The following CACNA1C variants were observed in gnomAD, a reference collection of about 807,000 sequenced individuals.
The protein encoded by CACNA1C is voltage-dependent L-type calcium channel subunit alpha-1C.
In CACNA1C, 30 loss-of-function variants were observed where a neutral mutation model predicts 229.0. The observed-to-expected ratio is 0.13, with a 90% CI of 0.10 to 0.18. CACNA1C has a LOEUF of 0.18. CACNA1C is among the 10% of genes least tolerant of loss of function. The pLI is 1.00. For missense variants in CACNA1C, 1,658 were observed against 2,845.0 expected (o/e 0.58, Z 9.49); for synonymous variants, 1,114 against 1,132.5 (o/e 0.98, Z 0.33).
chr12:2,257,940 A>G (rs1029221656), intron 3 of CACNA1C, among the ~76,000 whole-genome samples: 1 of 152,226 alleles, frequency 6.6e-6, no homozygotes, highest in Non-Finnish European at 1.5e-5. Context: ...ATACAAGTGA[A>G]TGCTACACTC....
chr12:2,124,841 G>A (rs1311812975), intron 3 of CACNA1C, among the ~76,000 whole-genome samples: 2 of 152,156 alleles, frequency 1.3e-5, no homozygotes, highest in Non-Finnish European at 2.9e-5. Context: ...TGATGCGTAC[G>A]ATTAGGGATT....
chr12:2,166,313 C>A (rs537995661), intron 3 of CACNA1C, among the ~76,000 whole-genome samples: 10 of 152,322 alleles, frequency 6.6e-5, no homozygotes, highest in African/African-American at 2.4e-4. Flanking sequence ...TCACTCACAC[C>A]CCTTTGGAAG....
chr12:2,176,849 T>C (rs2096660594), intron 3 of CACNA1C, among the ~76,000 whole-genome samples: 1 of 152,184 alleles, frequency 6.6e-6, no homozygotes, highest in South Asian at 2.1e-4. Context: ...TCTTTCATGG[T>C]TGGTGGTGAG....
At position 2,486,301 on chromosome 12, in the gene CACNA1C, C is replaced by T; in HGVS notation, c.916+39C>T. Reference sequence around the variant, plus strand: ...GCGGCTGCGCTCCCAAGGCCCTGCCCTCTATCGCTCCCAGCACCTTTCCCG... The same window carrying T: ...GCGGCTGCGCTCCCAAGGCCCTGCCTTCTATCGCTCCCAGCACCTTTCCCG... On this transcript the variant is annotated intron_variant, in intron 6 of 46. Coordinates refer to ENST00000399655, the MANE Select transcript of CACNA1C (RefSeq NM_000719.7). This position sits in a 1 kb window ranked among gnomAD's most constrained non-coding sequence, Gnocchi z 4.9. The T allele has an allele frequency of 1.3e-6, 2 of 1,572,544 alleles. No individual in the cohort carries two copies. Among genetic ancestry groups the T allele is most frequent in the Non-Finnish European group, 1.7e-6 (2 of 1,149,916 alleles).
At chr12:2,669,636 A>C (rs918880094) in intron 38 of CACNA1C, among the ~76,000 whole-genome samples, 1 of 152,336 alleles carries the variant, frequency 6.6e-6, no homozygotes, top group Admixed American at 6.5e-5. Flanking sequence ...CAAATGCTCA[A>C]CTCATTAAAT....
In CACNA1C at chr12:2,108,812, G is replaced by T. The variant is rs990261492; in HGVS notation, c.50-6412G>T. Reference sequence around the variant, plus strand: ...CTGCAATAGATAGGGAAGATTAATGGCCCAGCTTTCTAGTCATTGGGCCTT... The same window carrying T: ...CTGCAATAGATAGGGAAGATTAATGTCCCAGCTTTCTAGTCATTGGGCCTT... On this transcript the variant is annotated intron_variant, in intron 1 of 46. Transcript: ENST00000399655. This position sits in a 1 kb window ranked among gnomAD's most constrained non-coding sequence, Gnocchi z 5.3. Among the ~76,000 whole-genome samples, 3 of 152,176 alleles carry T rather than the reference G, an allele frequency of 2.0e-5. No individual in the cohort carries two copies. The highest frequency in any genetic ancestry group is 7.2e-5 in the African/African-American group (3 of 41,418).
At chr12:2,280,725 A>G (rs1383515297) in intron 3 of CACNA1C, among the ~76,000 whole-genome samples, 79 of 124,424 alleles carry the variant, frequency 6.3e-4, no homozygotes, top group East Asian at 2.5e-3. Flanking sequence ...GCTTCGGTTT[A>G]ACCTCTTGAT....
rs1383625009 is a variant in CACNA1C, at chr12:2,595,391, TG to T, written c.2664-480del. 6.6e-6 allele frequency among the ~76,000 whole-genome samples: 1 copy of T among 152,160 alleles called. No homozygotes were observed. Among genetic ancestry groups the T allele is most frequent in the Non-Finnish European group, 1.5e-5 (1 of 68,038 alleles). On this transcript the variant is annotated intron_variant, in intron 19 of 46. Transcript: ENST00000399655. This position sits in a 1 kb window ranked among gnomAD's most constrained non-coding sequence, Gnocchi z 4.1. ...ATCACTGAGTGCCTAGAAGCTCAGT[TG>T]GGTAATTGTGCTGGGGCATGGAAGT...
intron 1 of CACNA1C, among the ~76,000 whole-genome samples, chr12:2,094,806 C>G (rs1398752142): frequency 6.6e-6 from 1 of 152,200 alleles, no homozygotes; most frequent in East Asian, 1.9e-4. Flanking sequence ...AATGCAGCCA[C>G]TCTGGATGGG....
At chr12:2,255,507 A>G (rs755390841) in intron 3 of CACNA1C, among the ~76,000 whole-genome samples, 1 of 152,218 alleles carries the variant, frequency 6.6e-6, no homozygotes. Context: ...GCACAGCAAG[A>G]AGGCAGTGCC....
intron 4 of CACNA1C, among the ~76,000 whole-genome samples, chr12:2,450,301 T>C (rs2099349240): frequency 1.3e-5 from 2 of 152,048 alleles, no homozygotes; most frequent in Admixed American, 6.5e-5. Flanking sequence ...ACACCTGTAA[T>C]CCCAGCACTT....
At position 2,457,702 on chromosome 12, in the gene CACNA1C, C is replaced by A; in HGVS notation, c.753C>A (p.Val251=). 1.9e-6 allele frequency: 3 copies of A among 1,586,202 alleles called. No individual in the cohort carries two copies. Among genetic ancestry groups the A allele is most frequent in the Non-Finnish European group, 1.7e-6 (2 of 1,167,192 alleles). Residue 251 remains valine (V), a synonymous_variant, in exon 5 of 47, where the codon GTC becomes GTA. Coordinates refer to ENST00000399655, the MANE Select transcript of CACNA1C (RefSeq NM_000719.7). ...VLRPLRLVSG[V]PSLQVVLNSI... is the part of the protein sequence containing the mutation. Reference sequence around the variant, plus strand: ...GCCCCCTGCGGCTGGTGTCCGGAGTCCCAAGTAAGTGAAGCCCGTTCTTGT... The same window carrying A: ...GCCCCCTGCGGCTGGTGTCCGGAGTACCAAGTAAGTGAAGCCCGTTCTTGT...
At chr12:2,056,210 TG>T (rs1175058720) in intron 1 of CACNA1C, among the ~76,000 whole-genome samples, 6 of 80,996 alleles carry the variant, frequency 7.4e-5, no homozygotes, top group Non-Finnish European at 1.3e-4. Context: ...TGTGTGTGTG[TG>T]TGTGTGTGTG....
At position 2,560,848 on chromosome 12, in the gene CACNA1C, T is replaced by TAAAAAA. The variant is rs36012443; in HGVS notation, c.1508+3889_1508+3894dup. Among the ~76,000 whole-genome samples the TAAAAAA allele has an allele frequency of 4.4e-5, 5 of 113,080 alleles. 1 individual carries two copies. The highest frequency in any genetic ancestry group is 1.0e-4 in the African/African-American group (3 of 29,100). 74.2% of individuals were successfully genotyped at this position (113,080 alleles called of 152,430 possible). On this transcript the variant is annotated intron_variant, in intron 11 of 46. Coordinates refer to ENST00000399655, the MANE Select transcript of CACNA1C (RefSeq NM_000719.7). ...CTGTGGTGTTTGTTGTTGGTTCTGG[T>TAAAAAA]AAAAAAAAAAAAAAAAAAAAAAAGT...
rs182208896 is a variant in CACNA1C, at chr12:2,685,801, G to A, written c.5639G>A (p.Arg1880Gln). The A allele has an allele frequency of 3.3e-4, 538 of 1,613,700 alleles. 4 individuals are homozygous for A. The highest frequency in any genetic ancestry group is 3.3e-4 in the East Asian group (15 of 44,876). The change falls in exon 44 of 47, where the codon CGG (arginine) becomes CAG (glutamine). Residue 1880 changes from arginine to glutamine, a missense_variant. This residue lies in a region of CACNA1C where 590 missense variants were observed against 700.8 expected (regional missense o/e 0.84). Coordinates refer to ENST00000399655, the MANE Select transcript of CACNA1C (RefSeq NM_000719.7). Reference protein sequence around the residue: ...TLPEEDKRDIRQSPKRGFLRS... With the variant: ...TLPEEDKRDIQQSPKRGFLRS... ...CCAGAGGAGGACAAGAGGGACATCC[G>A]GCAATCTCCGAAGAGGGGTTTCCTC...
chr12:2,695,955 G>T lies in CACNA1C; in HGVS notation c.*4756G>T, dbSNP rs955626353. On this transcript the variant is annotated 3_prime_UTR_variant, in exon 47 of 47. Coordinates refer to ENST00000399655, the MANE Select transcript of CACNA1C (RefSeq NM_000719.7). The stretch of plus-strand genomic sequence containing the variant: ...AGGGCTGGGGTTGAGCTCTAGATGA[G>T]GGACTTTCCTGCTCCTGCAAGGGTG... 1 of 152,266 alleles carries T rather than the reference G, an allele frequency of 6.6e-6. No individual in the cohort carries two copies. Among genetic ancestry groups the T allele is most frequent in the Non-Finnish European group, 1.5e-5 (1 of 68,100 alleles). 9.4% of individuals were successfully genotyped at this position (152,266 alleles called of 1,614,324 possible).
At chr12:2,039,406 TG>T (rs1483996018) in intron 1 of CACNA1C, among the ~76,000 whole-genome samples, 1 of 152,220 alleles carries the variant, frequency 6.6e-6, no homozygotes, top group Non-Finnish European at 1.5e-5. Flanking sequence ...TGCCTGAAAT[TG>T]CACCATTAGC....
Position 2,665,020 on chromosome 12 carries a change from A to C in CACNA1C, c.4398+30A>C. Reference sequence around the variant, plus strand: ...GCCAAGGGGGAACTCAACAGCCAGCAGCCATGACTGCCCAGTTCCAGGGCA... The same window carrying C: ...GCCAAGGGGGAACTCAACAGCCAGCCGCCATGACTGCCCAGTTCCAGGGCA... On this transcript the variant is annotated intron_variant, in intron 35 of 46. Transcript: ENST00000399655. This position sits in a 1 kb window ranked among gnomAD's most constrained non-coding sequence, Gnocchi z 5.9. 1 of 1,612,000 alleles carries C rather than the reference A, an allele frequency of 6.2e-7. No individual in the cohort carries two copies. Among genetic ancestry groups the C allele is most frequent in the South Asian group, 1.1e-5 (1 of 91,006 alleles).
chr12:2,355,523 T>C (rs12310927), intron 3 of CACNA1C, among the ~76,000 whole-genome samples: 10,404 of 152,160 alleles, frequency 0.068, 429 homozygotes, highest in African/African-American at 0.11. Flanking sequence ...TTTTTCCTTA[T>C]GAGATAGAAA....
Sources: gnomAD v4.1 joint callset for allele counts (sites outside exome capture counted in the v4.1 genomes callset) on GRCh38, gnomAD v4.1.1 for gene constraint, gnomAD v4.1.1 regional missense constraint, Gnocchi (gnomAD v3.1) non-coding constraint, MANE v1.5 for transcripts, NCBI Gene and HGNC (gene_info 2026-07-23, HGNC 2026-07-21) for gene names.